The following OSBPL10 variants were observed in gnomAD, a reference collection of about 807,000 sequenced individuals.
The protein encoded by OSBPL10 is oxysterol binding protein like 10, also known as oxysterol-binding protein-related protein 10.
Under a neutral mutation model 81.7 loss-of-function variants are expected in OSBPL10, and 49 were observed. The ratio of observed to expected loss-of-function variants is 0.60; its 90% CI spans 0.48 to 0.76. The LOEUF (loss-of-function observed/expected upper bound fraction) is 0.76. Ranked by LOEUF, OSBPL10 falls within the 30% of genes least tolerant of loss-of-function variation. The probability of loss-of-function intolerance (pLI) is 0.00; values close to 1 mark genes in which losing one functional copy is unlikely to be tolerated. For synonymous variants in OSBPL10, 419 were observed against 383.6 expected (o/e 1.09, Z -1.08); for missense variants, 923 against 987.8 (o/e 0.93, Z 0.88).
chr3:31,742,382 G>A (rs781464472), intron 5 of OSBPL10, among the ~76,000 whole-genome samples: 91 of 152,298 alleles, frequency 6.0e-4, no homozygotes, highest in Non-Finnish European at 1.1e-3. Flanking sequence ...GACACTCCCC[G>A]CAAATCTTTT....
intron 6 of OSBPL10, chr3:31,714,071 G>C (rs1345051860): frequency 6.6e-6 from 1 of 152,224 alleles, no homozygotes; most frequent in Non-Finnish European, 1.5e-5. Context: ...GAGATGAATG[G>C]TTGGTTAAGT....
At chr3:31,833,693 GCACACGCACA>G (rs1700299805) in intron 3 of OSBPL10, among the ~76,000 whole-genome samples, 1 of 132,876 alleles carries the variant, frequency 7.5e-6, no homozygotes, top group African/African-American at 3.1e-5. Context: ...GGGAAAACAC[GCACACGCACA>G]CGCACACACA....
chr3:31,795,685 C>T (rs879863657), intron 4 of OSBPL10: 7 of 208,844 alleles, frequency 3.4e-5, no homozygotes, highest in Admixed American at 1.5e-4. Flanking sequence ...GCCTTATGAG[C>T]GCAGGAAATG....
At chr3:32,030,682 G>T (rs896989252) in intron 2 of OSBPL10, 28 of 1,014,598 alleles carry the variant, frequency 2.8e-5, no homozygotes, top group Middle Eastern at 2.6e-4. Flanking sequence ...GGCATAATAG[G>T]TGTTAAAAAA....
chr3:31,754,789 AT>A (rs1697838164), intron 4 of OSBPL10, among the ~76,000 whole-genome samples: 1 of 152,092 alleles, frequency 6.6e-6, no homozygotes, highest in African/African-American at 2.4e-5. Context: ...TGAAACTAAT[AT>A]TTTTATTCAC....
intron 3 of OSBPL10, among the ~76,000 whole-genome samples, chr3:31,848,388 G>T (rs112438113): frequency 4.6e-5 from 7 of 151,682 alleles, no homozygotes; most frequent in African/African-American, 1.7e-4. Flanking sequence ...TCAAGGTCAC[G>T]GTGGAAAATG....
At chr3:31,976,652 T>C (rs574066237) in intron 1 of OSBPL10, among the ~76,000 whole-genome samples, 88 of 152,280 alleles carry the variant, frequency 5.8e-4, no homozygotes, top group African/African-American at 1.9e-3. Flanking sequence ...AGACAGGGTT[T>C]CACCATGGTT....
chr3:31,949,246 C>A (rs1464143860), intron 1 of OSBPL10, among the ~76,000 whole-genome samples: 1 of 152,134 alleles, frequency 6.6e-6, no homozygotes, highest in Non-Finnish European at 1.5e-5. Context: ...AAACAGGAGA[C>A]AAGTTAAAAT....
intron 4 of OSBPL10, among the ~76,000 whole-genome samples, chr3:31,784,331 C>G (rs976374008): frequency 4.0e-5 from 6 of 150,584 alleles, no homozygotes; most frequent in African/African-American, 1.2e-4. Context: ...CCACTGCACT[C>G]CAGCCTGGGT....
At chr3:31,829,670 G>A (rs113442918) in intron 4 of OSBPL10, among the ~76,000 whole-genome samples, 9 of 152,242 alleles carry the variant, frequency 5.9e-5, no homozygotes, top group African/African-American at 1.7e-4. Flanking sequence ...GGGTATCTGC[G>A]TTATGTCTAG....
At chr3:31,973,085 C>T (rs544510010) in intron 1 of OSBPL10, among the ~76,000 whole-genome samples, 5 of 152,296 alleles carry the variant, frequency 3.3e-5, no homozygotes, top group African/African-American at 1.2e-4. Flanking sequence ...GGCCCCAAAT[C>T]GCATCAGTGG....
chr3:31,885,995 CAAAA>C lies in OSBPL10; in HGVS notation c.282-6169_282-6166del, dbSNP rs397957994. 6.1e-3 allele frequency among the ~76,000 whole-genome samples: 381 copies of C among 62,524 alleles called. 2 individuals are homozygous for C. Among genetic ancestry groups the C allele is most frequent in the African/African-American group, 0.023 (366 of 15,874 alleles). 41.0% of individuals were successfully genotyped at this position (62,524 alleles called of 152,430 possible). ...GGGAAACAAGAGCGAAACTCCATCT[CAAAA>C]AAAAAAAAAAAAAAAGAAAGAAAGA... On this transcript the variant is annotated intron_variant, in intron 1 of 11. Transcript: ENST00000396556.
chr3:31,915,733 G>A (rs529723628), intron 1 of OSBPL10, among the ~76,000 whole-genome samples: 46 of 151,242 alleles, frequency 3.0e-4, no homozygotes, highest in African/African-American at 8.1e-4. Context: ...AAACCTGCCC[G>A]TGTACCTCCA....
At chr3:31,683,508 C>T in intron 8 of OSBPL10, 126 bp downstream of exon 8, 1 of 1,394,938 alleles carries the variant, frequency 7.2e-7, no homozygotes, top group Non-Finnish European at 9.6e-7. Flanking sequence ...ACCACCCACA[C>T]TCTAATTCCA....
intron 1 of OSBPL10, among the ~76,000 whole-genome samples, chr3:31,927,909 C>T (rs1697122409): frequency 6.6e-6 from 1 of 152,178 alleles, no homozygotes; most frequent in Non-Finnish European, 1.5e-5. Context: ...TCTCCACCCC[C>T]ACCTACTAGC....
chr3:32,046,717 A>C (rs1268528270), intron 1 of OSBPL10: 1 of 152,250 alleles, frequency 6.6e-6, no homozygotes, highest in Non-Finnish European at 1.5e-5. Flanking sequence ...TTTGCCATAC[A>C]TTAACCAAGA....
At chr3:31,710,366 TTGC>T (rs1696212100) in intron 6 of OSBPL10, among the ~76,000 whole-genome samples, 1 of 152,008 alleles carries the variant, frequency 6.6e-6, no homozygotes, top group Non-Finnish European at 1.5e-5. Flanking sequence ...TGACTTGAGG[TTGC>T]TGCTAACACT....
chr3:31,862,306 A>G (rs1701075633), intron 3 of OSBPL10, among the ~76,000 whole-genome samples: 1 of 152,198 alleles, frequency 6.6e-6, no homozygotes, highest in African/African-American at 2.4e-5. Context: ...CCACACATAG[A>G]CATGCAAAGT....
At chr3:31,794,769 C>A in intron 4 of OSBPL10, 1 of 311,936 alleles carries the variant, frequency 3.2e-6, no homozygotes, top group South Asian at 3.8e-5. Flanking sequence ...GTAGCCCCAT[C>A]TTGGGAGACA....
Sources: allele counts gnomAD v4.1 joint callset (sites outside exome capture counted in the v4.1 genomes callset), GRCh38; gene constraint gnomAD v4.1.1; transcripts MANE v1.5; gene names NCBI Gene and HGNC (gene_info 2026-07-23, HGNC 2026-07-21).